The following MAST4 variants were observed in gnomAD, a reference collection of about 807,000 sequenced individuals.
The protein encoded by MAST4 is microtubule-associated serine/threonine-protein kinase 4.
A neutral mutation model predicts 162.7 loss-of-function variants in MAST4; 89 were observed. That is an observed-to-expected ratio of 0.55 (90% CI 0.46 to 0.65). The LOEUF is 0.65. Among genes scored for constraint, MAST4 ranks in the 30% least tolerant of loss-of-function variants. The probability of loss-of-function intolerance (pLI) is 0.00; values close to 1 mark genes in which losing one functional copy is unlikely to be tolerated. For synonymous variants in MAST4, 1,479 were observed against 1,361.1 expected, an observed-to-expected ratio of 1.09 and a Z score of -1.91; for missense variants, 3,153 against 3,374.0, an observed-to-expected ratio of 0.93 and a Z score of 1.62.
chr5:67,072,340 C>T (rs888513291), intron 5 of MAST4, among the ~76,000 whole-genome samples: 3 of 151,890 alleles, frequency 2.0e-5, no homozygotes, highest in Non-Finnish European at 2.9e-5. Context: ...TTGAAAAAGC[C>T]CTTGATAAAA....
chr5:67,149,531 C>A lies in MAST4; in HGVS notation c.3237C>A (p.Ile1079=). The A allele has an allele frequency of 6.2e-7, 1 of 1,613,816 alleles. No individual in the cohort carries two copies. The highest frequency in any genetic ancestry group is 1.1e-5 in the South Asian group (1 of 90,982). The part of the protein sequence containing the change: ...QRLESTEKKK[I]SGKVTKSLSA... ...TAGAAAGCACAGAAAAAAAGAAAAT[C>A]TCGGGGAAAGTCACAAAGTCCCTCT... Residue 1079 remains isoleucine, a synonymous_variant, in exon 24 of 29, where the codon ATC becomes ATA. Coordinates refer to ENST00000403625, the MANE Select transcript of MAST4 (RefSeq NM_001164664.2).
intron 21 of MAST4, 58 bp from the exon 22 acceptor site, chr5:67,144,611 T>G: frequency 6.4e-7 from 1 of 1,573,734 alleles, no homozygotes; most frequent in Middle Eastern, 1.7e-4. Flanking sequence ...ACTTGGAGTG[T>G]TTTTCTGACA....
chr5:66,888,535 G>C (rs966265507), intron 3 of MAST4, among the ~76,000 whole-genome samples: 1 of 152,092 alleles, frequency 6.6e-6, no homozygotes, highest in Non-Finnish European at 1.5e-5. Flanking sequence ...CTGTCTCCTG[G>C]TTCTATAAAA....
intron 1 of MAST4, among the ~76,000 whole-genome samples, chr5:66,696,918 A>T (rs1220868520): frequency 1.3e-5 from 2 of 152,226 alleles, no homozygotes; most frequent in Non-Finnish European, 2.9e-5. Context: ...GCAGTAAAAA[A>T]AATTCTTAAT....
chr5:66,764,510 G>A (rs919718638), intron 2 of MAST4, among the ~76,000 whole-genome samples: 1 of 152,136 alleles, frequency 6.6e-6, no homozygotes, highest in African/African-American at 2.4e-5. Context: ...ATATATGACA[G>A]TGGTCCCATA....
chr5:66,898,941 T>C (rs961616929), intron 3 of MAST4, among the ~76,000 whole-genome samples: 3 of 152,112 alleles, frequency 2.0e-5, no homozygotes, highest in Non-Finnish European at 2.9e-5. Context: ...CATTGAAATA[T>C]TCAATAAAAA....
chr5:66,856,136 G>C (rs1284294316), intron 3 of MAST4, among the ~76,000 whole-genome samples: 1 of 152,152 alleles, frequency 6.6e-6, no homozygotes, highest in African/African-American at 2.4e-5. Context: ...CTCCAGCCTG[G>C]GTGACAGAGC....
intron 4 of MAST4, among the ~76,000 whole-genome samples, chr5:67,014,459 A>G (rs550801778): frequency 6.6e-6 from 1 of 152,282 alleles, no homozygotes; most frequent in South Asian, 2.1e-4. Flanking sequence ...TAAGCCTCTA[A>G]GCGTATGAAT....
At chr5:66,995,240 T>G (rs906623387) in intron 4 of MAST4, among the ~76,000 whole-genome samples, 1 of 152,206 alleles carries the variant, frequency 6.6e-6, no homozygotes, top group African/African-American at 2.4e-5. Flanking sequence ...ATTTCGTGTG[T>G]CAAAAAATAT....
intron 3 of MAST4, among the ~76,000 whole-genome samples, chr5:66,878,234 T>G (rs1331946350): frequency 6.6e-6 from 1 of 152,254 alleles, no homozygotes; most frequent in Non-Finnish European, 1.5e-5. Flanking sequence ...GGGACAACTG[T>G]CTTAGATGTT....
chr5:66,802,361 A>G (rs1296368773), intron 3 of MAST4, among the ~76,000 whole-genome samples: 1 of 152,236 alleles, frequency 6.6e-6, no homozygotes, highest in Non-Finnish European at 1.5e-5. Context: ...TAGGAATTTC[A>G]TATAACTAAA....
chr5:66,899,715 A>G (rs1454260141), intron 3 of MAST4, among the ~76,000 whole-genome samples: 2 of 152,150 alleles, frequency 1.3e-5, no homozygotes, highest in East Asian at 1.9e-4. Context: ...GGGAAGATTG[A>G]TGGTTTTTCT....
chr5:66,638,269 G>A (rs964397243), intron 1 of MAST4, among the ~76,000 whole-genome samples: 46 of 152,248 alleles, frequency 3.0e-4, no homozygotes, highest in African/African-American at 1.1e-3. Flanking sequence ...TCCCTGCTGT[G>A]TAGGCAAAAT....
At chr5:66,681,912 T>C (rs1041754752) in intron 1 of MAST4, among the ~76,000 whole-genome samples, 5 of 152,126 alleles carry the variant, frequency 3.3e-5, no homozygotes, top group African/African-American at 9.7e-5. Context: ...TAAACTCAAG[T>C]TGGGCTTATT....
chr5:66,932,431 C>T (rs1019734617), intron 4 of MAST4, among the ~76,000 whole-genome samples: 1 of 152,126 alleles, frequency 6.6e-6, no homozygotes, highest in Non-Finnish European at 1.5e-5. Flanking sequence ...GATCTCAAGG[C>T]TACCCCACAG....
At chr5:66,677,330 G>A (rs1257213045) in intron 1 of MAST4, among the ~76,000 whole-genome samples, 1 of 152,168 alleles carries the variant, frequency 6.6e-6, no homozygotes, top group Non-Finnish European at 1.5e-5. Flanking sequence ...GTAAAAGTCT[G>A]TGCTGGTGCC....
intron 4 of MAST4, among the ~76,000 whole-genome samples, chr5:67,049,506 C>CAAA (rs1757904021): frequency 2.0e-5 from 3 of 152,130 alleles, no homozygotes; most frequent in Non-Finnish European, 4.4e-5. Flanking sequence ...TGTTCATCTT[C>CAAA]TCTAAAGGTG....
intron 23 of MAST4, among the ~76,000 whole-genome samples, chr5:67,145,767 C>G (rs549585017): frequency 6.6e-6 from 1 of 152,304 alleles, no homozygotes; most frequent in Non-Finnish European, 1.5e-5. Flanking sequence ...GAGCCAGTAT[C>G]AAGTAGTCAG....
chr5:67,072,599 A>AC (rs1290868759), intron 5 of MAST4, among the ~76,000 whole-genome samples: 1 of 152,250 alleles, frequency 6.6e-6, no homozygotes, highest in Non-Finnish European at 1.5e-5. Flanking sequence ...TATTCATATG[A>AC]CATAAAGAAT....
Sources: gnomAD v4.1 joint callset for allele counts (sites outside exome capture counted in the v4.1 genomes callset) on GRCh38, gnomAD v4.1.1 for gene constraint, MANE v1.5 for transcripts, NCBI Gene and HGNC (gene_info 2026-07-23, HGNC 2026-07-21) for gene names.